DOK6: variants seen among roughly 807,000 people sequenced by gnomAD.
The protein encoded by DOK6 is downstream of tyrosine kinase 6.
Under a neutral mutation model 44.0 loss-of-function variants are expected in DOK6, and 22 were observed. The ratio of observed to expected loss-of-function variants is 0.50; its 90% CI spans 0.36 to 0.71. The LOEUF (loss-of-function observed/expected upper bound fraction) is 0.71. Ranked by LOEUF, DOK6 falls within the 30% of genes least tolerant of loss-of-function variation. DOK6 has a pLI of 0.00. For missense variants in DOK6, 340 were observed against 416.4 expected (o/e 0.82, Z 1.60); for synonymous variants, 166 against 145.5 (o/e 1.14, Z -1.01).
chr18:69,644,564 G>A (rs1192203500), intron 3 of DOK6, among the ~76,000 whole-genome samples: 3 of 152,100 alleles, frequency 2.0e-5, no homozygotes, highest in Non-Finnish European at 2.9e-5. Flanking sequence ...TCATTAGGAC[G>A]TAATTGTGTG....
In DOK6 at chr18:69,841,338, G is replaced by A; in HGVS notation, c.951G>A (p.Arg317=). Residue 317 remains arginine (R), a synonymous_variant, in exon 8 of 8, where the codon CGG becomes CGA. Transcript: ENST00000382713. ...QSEEAQQPLS[R]SSSYGFSYSS... ...AAGAGGCCCAGCAGCCGTTGTCGCG[G>A]TCCAGCAGCTATGGATTCAGCTACA... 1.2e-6 allele frequency: 2 copies of A among 1,614,136 alleles called. No individual in the cohort carries two copies. Among genetic ancestry groups the A allele is most frequent in the South Asian group, 1.1e-5 (1 of 91,084 alleles).
At chr18:69,537,105 G>A (rs1024611814) in intron 1 of DOK6, among the ~76,000 whole-genome samples, 5 of 151,730 alleles carry the variant, frequency 3.3e-5, no homozygotes, top group Non-Finnish European at 5.9e-5. Context: ...CAAGGTGCTG[G>A]GATTATAAGC....
chr18:69,557,691 T>A (rs1005462966), intron 1 of DOK6, among the ~76,000 whole-genome samples: 4 of 152,142 alleles, frequency 2.6e-5, no homozygotes, highest in African/African-American at 9.7e-5. Context: ...CCTAGGAGCC[T>A]GTTTGATGAA....
chr18:69,836,027 G>T (rs1164866548), intron 7 of DOK6, among the ~76,000 whole-genome samples: 1 of 152,184 alleles, frequency 6.6e-6, no homozygotes, highest in South Asian at 2.1e-4. Context: ...GGGAACCCTT[G>T]TTGGTCATTC....
chr18:69,449,731 T>G (rs1303246795), intron 1 of DOK6, among the ~76,000 whole-genome samples: 1 of 151,734 alleles, frequency 6.6e-6, no homozygotes, highest in Admixed American at 6.6e-5. Flanking sequence ...GCAGACTGCC[T>G]CCTCAAGTGG....
chr18:69,660,539 G>A (rs866023208), intron 3 of DOK6: 1 of 152,030 alleles, frequency 6.6e-6, no homozygotes, highest in Non-Finnish European at 1.5e-5. Context: ...GACAGATTTA[G>A]CAGGATTAAC....
intron 4 of DOK6, among the ~76,000 whole-genome samples, chr18:69,694,089 A>AAAAAAAAAAAAAAAAAAAAT (rs1372739323): frequency 1.4e-5 from 2 of 144,242 alleles, no homozygotes; most frequent in Non-Finnish European, 3.0e-5. Context: ...AAAAAAAAAA[A>AAAAAAAAAAAAAAAAAAAAT]ATTGATCTAT....
At chr18:69,739,998 A>G (rs986080894) in intron 6 of DOK6, among the ~76,000 whole-genome samples, 9 of 152,250 alleles carry the variant, frequency 5.9e-5, no homozygotes, top group Admixed American at 3.9e-4. Flanking sequence ...GAAAGAGAAC[A>G]GAAGTAGCTT....
chr18:69,742,629 A>C (rs1978844587), intron 6 of DOK6, among the ~76,000 whole-genome samples: 1 of 152,164 alleles, frequency 6.6e-6, no homozygotes. Context: ...CATTCACAAG[A>C]TTATAAAGTG....
intron 1 of DOK6, among the ~76,000 whole-genome samples, chr18:69,488,266 C>T (rs1404503547): frequency 6.6e-6 from 1 of 152,146 alleles, no homozygotes; most frequent in Non-Finnish European, 1.5e-5. Context: ...TTCTTAAAGA[C>T]CCAGTCTCCA....
At chr18:69,784,910 T>G (rs527774490) in intron 7 of DOK6, among the ~76,000 whole-genome samples, 1 of 152,316 alleles carries the variant, frequency 6.6e-6, no homozygotes, top group South Asian at 2.1e-4. Flanking sequence ...TCATAGAGAC[T>G]GTTTGTCACC....
intron 3 of DOK6, among the ~76,000 whole-genome samples, chr18:69,669,453 G>A (rs115314481): frequency 0.01 from 1,523 of 152,262 alleles, 23 homozygotes; most frequent in African/African-American, 0.033. Context: ...TTATGGCTGC[G>A]CAGTATTTCA....
intron 1 of DOK6, among the ~76,000 whole-genome samples, chr18:69,521,458 AC>A (rs776490118): frequency 0.043 from 6,470 of 151,470 alleles, 201 homozygotes; most frequent in Admixed American, 0.094. Flanking sequence ...AAAAAAAAAA[AC>A]ATGTGAATCA....
chr18:69,443,779 G>T (rs1979201946), intron 1 of DOK6, among the ~76,000 whole-genome samples: 1 of 152,058 alleles, frequency 6.6e-6, no homozygotes, highest in Non-Finnish European at 1.5e-5. Context: ...GTGGTATTTA[G>T]ACATAGACCC....
At chr18:69,663,852 T>A (rs1204883408) in intron 3 of DOK6, among the ~76,000 whole-genome samples, 1 of 152,196 alleles carries the variant, frequency 6.6e-6, no homozygotes, top group Non-Finnish European at 1.5e-5. Context: ...GTGCCTATTG[T>A]TCTCAAGTGG....
intron 5 of DOK6, among the ~76,000 whole-genome samples, chr18:69,723,640 T>C (rs576663334): frequency 1.3e-5 from 2 of 152,298 alleles, no homozygotes; most frequent in South Asian, 4.1e-4. Context: ...AAGGAGCATG[T>C]TTTAGCTCTC....
At chr18:69,837,502 G>A (rs187978461) in intron 7 of DOK6, among the ~76,000 whole-genome samples, 1 of 150,042 alleles carries the variant, frequency 6.7e-6, no homozygotes, top group Admixed American at 6.7e-5. Flanking sequence ...AACTTTGGAG[G>A]ACAAATGTGA....
At chr18:69,550,739 G>C (rs1982539948) in intron 1 of DOK6, among the ~76,000 whole-genome samples, 1 of 145,560 alleles carries the variant, frequency 6.9e-6, no homozygotes, top group Non-Finnish European at 1.5e-5. Flanking sequence ...AGTTTCTTAA[G>C]TTTTTTTATT....
chr18:69,732,050 G>T (rs539226317), intron 5 of DOK6, among the ~76,000 whole-genome samples: 1 of 152,048 alleles, frequency 6.6e-6, no homozygotes, highest in African/African-American at 2.4e-5. Context: ...TAGCACCAAG[G>T]CACCATTCTT....
Sources: allele counts gnomAD v4.1 joint callset (sites outside exome capture counted in the v4.1 genomes callset), GRCh38; gene constraint gnomAD v4.1.1; transcripts MANE v1.5; gene names NCBI Gene and HGNC (gene_info 2026-07-23, HGNC 2026-07-21).